The following CLIP2 variants were observed in gnomAD, a reference collection of about 807,000 sequenced individuals.
The protein encoded by CLIP2 is CAP-Gly domain-containing linker protein 2.
Under a neutral mutation model 111.7 loss-of-function variants are expected in CLIP2, and 41 were observed. That is an observed-to-expected ratio of 0.37 (90% CI 0.29 to 0.48). The LOEUF (loss-of-function observed/expected upper bound fraction) is 0.48. Among genes scored for constraint, CLIP2 ranks in the 20% least tolerant of loss-of-function variants. The probability of loss-of-function intolerance (pLI) is 0.99; values close to 1 mark genes in which losing one functional copy is unlikely to be tolerated. For synonymous variants in CLIP2, 660 were observed against 644.2 expected (o/e 1.02, Z -0.37); for missense variants, 1,160 against 1,422.1 (o/e 0.82, Z 2.96).
At chr7:74,320,339 A>G (rs1374365696) in intron 2 of CLIP2, among the ~76,000 whole-genome samples, 1 of 152,082 alleles carries the variant, frequency 6.6e-6, no homozygotes, top group African/African-American at 2.4e-5. Context: ...CAGCCTGAGC[A>G]ACACAGCAAG....
At chr7:74,370,081 C>A (rs1382313668) in intron 8 of CLIP2, among the ~76,000 whole-genome samples, 1 of 79,660 alleles carries the variant, frequency 1.3e-5, no homozygotes, top group African/African-American at 3.6e-5. Flanking sequence ...TCGCTTGAAC[C>A]CAGGAGGCAG....
At chr7:74,401,896 T>A (rs1376750149) in intron 16 of CLIP2, among the ~76,000 whole-genome samples, 1 of 151,966 alleles carries the variant, frequency 6.6e-6, no homozygotes, top group Non-Finnish European at 1.5e-5. Context: ...TAAAACTCCG[T>A]CTCTACTGAA....
chr7:74,390,213 GAAA>G lies in CLIP2; in HGVS notation c.2720+955_2720+957del, dbSNP rs1562726953. Among the ~76,000 whole-genome samples, 114 of 96,098 alleles carry G rather than the reference GAAA, an allele frequency of 1.2e-3. 3 individuals carry two copies. Among genetic ancestry groups the G allele is most frequent in the African/African-American group, 3.2e-3 (83 of 26,186 alleles). The allele number at this position is 96,098 out of a possible 152,430, so 63.0% of individuals were successfully genotyped here. On this transcript the variant is annotated intron_variant, in intron 13 of 16. Transcript: ENST00000223398. Reference sequence around the variant, plus strand: ...AGAAAGAAAGAAAGAAAGAAAGAAAGAAAGAAAGAAAGGATTAATGCCTCCCCA... The same window carrying G: ...AGAAAGAAAGAAAGAAAGAAAGAAAGGAAAGAAAGGATTAATGCCTCCCCA...
intron 3 of CLIP2, among the ~76,000 whole-genome samples, chr7:74,341,427 C>T (rs1276990096): frequency 1.3e-5 from 2 of 151,742 alleles, no homozygotes; most frequent in Non-Finnish European, 2.9e-5. Context: ...GACCTACCCA[C>T]CTCGGCCTCC....
Position 74,347,958 on chromosome 7 carries a change from T to C in CLIP2, c.679-5922T>C, listed in dbSNP as rs557093899. Among the ~76,000 whole-genome samples the C allele has an allele frequency of 3.9e-5, 6 of 151,988 alleles. No individual in the cohort carries two copies. In the East Asian group the frequency reaches 1.2e-3, roughly 30 times the overall value. ...ACTTTGGGAGGCCAAGACGGGCGGA[T>C]CACTTGAGGTCAGGAGTTCCAGACC... On this transcript the variant is annotated intron_variant, in intron 3 of 16. Transcript: ENST00000223398.
chr7:74,381,609 T>C (rs1554313933), intron 11 of CLIP2: 1 of 456,204 alleles, frequency 2.2e-6, no homozygotes, highest in South Asian at 1.6e-5. Context: ...TTATATCCCC[T>C]TTCCAGAAAT....
At chr7:74,379,728 T>C (rs192651437) in intron 10 of CLIP2, among the ~76,000 whole-genome samples, 56 of 152,020 alleles carry the variant, frequency 3.7e-4, no homozygotes, top group African/African-American at 1.3e-3. Flanking sequence ...ATCACGCCAC[T>C]GCACTCCAGC....
chr7:74,348,624 C>T (rs1362021684), intron 3 of CLIP2, among the ~76,000 whole-genome samples: 3 of 151,910 alleles, frequency 2.0e-5, no homozygotes, highest in Non-Finnish European at 2.9e-5. Flanking sequence ...CCCGTCTCTA[C>T]TAAAAATACA....
intron 10 of CLIP2, among the ~76,000 whole-genome samples, chr7:74,378,789 A>G (rs1790864770): frequency 6.6e-6 from 1 of 152,172 alleles, no homozygotes; most frequent in African/African-American, 2.4e-5. Context: ...TGTGGGCAGT[A>G]AGTTCTCAGG....
chr7:74,359,624 A>G (rs141023461), intron 6 of CLIP2, among the ~76,000 whole-genome samples: 53 of 152,092 alleles, frequency 3.5e-4, no homozygotes, highest in Middle Eastern at 3.4e-3. Context: ...CAAAGTGCTG[A>G]GATTACAGGC....
chr7:74,400,536 G>C lies in CLIP2; in HGVS notation c.3047G>C (p.Ser1016Thr). 6.3e-7 allele frequency: 1 copy of C among 1,592,514 alleles called. No homozygotes were observed. The highest frequency in any genetic ancestry group is 8.5e-7 in the Non-Finnish European group (1 of 1,169,644). ...QVEKLMEAMRSCPDKAQTIGN... is the reference protein window; with the variant it reads ...QVEKLMEAMRTCPDKAQTIGN... Reference sequence around the variant, plus strand: ...GAGAAGCTGATGGAGGCCATGAGGAGCTGCCCTGACAAGGCCCAGGTGAGC... The same window carrying C: ...GAGAAGCTGATGGAGGCCATGAGGACCTGCCCTGACAAGGCCCAGGTGAGC... The change falls in exon 15 of 17, where the codon AGC becomes ACC. Residue 1016 changes from serine to threonine, a missense_variant. Ser to Thr is a moderately conservative substitution (Grantham distance 58, BLOSUM62 1). Coordinates refer to ENST00000223398, the MANE Select transcript of CLIP2 (RefSeq NM_003388.5).
chr7:74,329,235 T>C (rs1379588574), intron 2 of CLIP2, among the ~76,000 whole-genome samples: 2 of 151,584 alleles, frequency 1.3e-5, no homozygotes, highest in Non-Finnish European at 2.9e-5. Flanking sequence ...CATTTTTCTA[T>C]TATTTTATAG....
intron 13 of CLIP2, among the ~76,000 whole-genome samples, chr7:74,390,028 G>A (rs572969602): frequency 1.0e-4 from 15 of 148,320 alleles, no homozygotes; most frequent in Non-Finnish European, 1.6e-4. Flanking sequence ...GTTCGAGGCT[G>A]CAGTCAGCTA....
At chr7:74,398,113 C>T (rs903901355) in intron 14 of CLIP2, among the ~76,000 whole-genome samples, 1 of 151,558 alleles carries the variant, frequency 6.6e-6, no homozygotes, top group Non-Finnish European at 1.5e-5. Context: ...AATCCCAGCA[C>T]TTTGGGAGGC....
intron 8 of CLIP2, 64 bp downstream of exon 8, chr7:74,364,379 G>T (rs1790417607): frequency 3.4e-6 from 5 of 1,459,890 alleles, no homozygotes; most frequent in Non-Finnish European, 3.8e-6. Context: ...TGCTAGGGCA[G>T]ATGGTTGTGA....
At chr7:74,337,510 G>T (rs115695825) in intron 2 of CLIP2, among the ~76,000 whole-genome samples, 47 of 152,246 alleles carry the variant, frequency 3.1e-4, no homozygotes, top group African/African-American at 1.1e-3. Flanking sequence ...CACCTGGTGG[G>T]GGGGTGGCTT....
chr7:74,293,976 G>A (rs912548847), intron 1 of CLIP2, among the ~76,000 whole-genome samples: 1 of 151,960 alleles, frequency 6.6e-6, no homozygotes, highest in African/African-American at 2.4e-5. Flanking sequence ...GAGTGCAGTG[G>A]CATGATCTCA....
intron 16 of CLIP2, among the ~76,000 whole-genome samples, chr7:74,403,568 A>G (rs1201691416): frequency 2.6e-5 from 4 of 152,154 alleles, no homozygotes; most frequent in African/African-American, 9.7e-5. Flanking sequence ...ACTCCGTCTT[A>G]AAACAAACAA....
At chr7:74,375,808 C>G in intron 9 of CLIP2, 79 bp from the exon 10 acceptor site, 1 of 1,255,880 alleles carries the variant, frequency 8.0e-7, no homozygotes, top group Non-Finnish European at 1.1e-6. Flanking sequence ...GCCCCCTACC[C>G]GGCCCCCACC....
Sources: allele counts gnomAD v4.1 joint callset (sites outside exome capture counted in the v4.1 genomes callset), GRCh38; gene constraint gnomAD v4.1.1; transcripts MANE v1.5; gene names NCBI Gene and HGNC (gene_info 2026-07-23, HGNC 2026-07-21).